Variants in DST observed in about 807,000 individuals in gnomAD.
The protein encoded by DST is dystonin.
DST carries 253 observed loss-of-function variants against 875.2 expected under a neutral mutation model. That is an observed-to-expected ratio of 0.29 (90% CI 0.26 to 0.32). The LOEUF is 0.32. DST is among the 10% of genes least tolerant of loss of function. DST has a pLI of 1.00. For synonymous variants in DST, 3,124 were observed against 3,197.1 expected, an observed-to-expected ratio of 0.98 and a Z score of 0.77; for missense variants, 8,287 against 9,111.6, an observed-to-expected ratio of 0.91 and a Z score of 3.68.
chr6:56,910,667 T>C (rs1798468417), intron 2 of DST, among the ~76,000 whole-genome samples: 1 of 151,738 alleles, frequency 6.6e-6, no homozygotes, highest in South Asian at 2.1e-4. Flanking sequence ...GTATTTTTAG[T>C]AGAGACAGGG....
In DST at chr6:56,577,254, C is replaced by T. The variant is rs565497471; in HGVS notation, c.13027+1560G>A. Among the ~76,000 whole-genome samples the T allele has an allele frequency of 1.1e-4, 16 of 152,192 alleles. No individual in the cohort carries two copies. In the South Asian group the frequency reaches 3.3e-3, roughly 32 times the overall value. ...ACAATAAGAAAAAAATGTCAAAATGCCTCTTCGAGTAACATAAATACAAAT... is the reference window on the plus strand; with the variant it reads ...ACAATAAGAAAAAAATGTCAAAATGTCTCTTCGAGTAACATAAATACAAAT... On this transcript the variant is annotated intron_variant, in intron 50 of 103. Coordinates refer to ENST00000680361, the MANE Select transcript of DST (RefSeq NM_001374736.1).
In DST at chr6:56,627,259, T is replaced by G; in HGVS notation, c.4667A>C (p.Gln1556Pro). The stretch of plus-strand genomic sequence containing the variant: ...TTTTTGACACTCGTCCATTTTGCTC[T>G]GTTTCATTTCTATTTCGGACACCAG... ...KMLVSEIEMK[Q>P]SKMDECQKYA... Residue 1556 changes from glutamine to proline, a missense_variant, in exon 34 of 104, where the codon CAG becomes CCG. Physicochemically the swap from Gln to Pro is moderately conservative, Grantham distance 76 (BLOSUM62 -1). Transcript: ENST00000680361. 6.2e-7 allele frequency: 1 copy of G among 1,612,972 alleles called. No individual in the cohort carries two copies. The highest frequency in any genetic ancestry group is 8.5e-7 in the Non-Finnish European group (1 of 1,179,380).
At chr6:56,879,895 G>T (rs777249164) in intron 3 of DST, among the ~76,000 whole-genome samples, 1 of 152,212 alleles carries the variant, frequency 6.6e-6, no homozygotes, top group Non-Finnish European at 1.5e-5. Context: ...GCCCCTCCAT[G>T]ATAGTGCTTA....
chr6:56,627,073 G>T, intron 34 of DST, 131 bp downstream of exon 34: 1 of 735,016 alleles, frequency 1.4e-6, no homozygotes. Flanking sequence ...AGAATTATTA[G>T]ATAAGTGTCA....
chr6:56,512,156 T>A (rs1325352615), intron 72 of DST, among the ~76,000 whole-genome samples: 2 of 152,232 alleles, frequency 1.3e-5, no homozygotes, highest in African/African-American at 4.8e-5. Context: ...AGCTATATAC[T>A]GAGCATTGTT....
chr6:56,607,653 T>C lies in DST; in HGVS notation c.6975A>G (p.Thr2325=), dbSNP rs1586473831. The stretch of plus-strand genomic sequence containing the variant: ...TGTTAACTTTAGGATCAATTGATAT[T>C]GTACTTGCCAGTTTTCCTGACTGAG... ...EFSQSGKLAS[T]ISIDPKVNSS... The change falls in exon 40 of 104, where the codon ACA becomes ACG. Residue 2325 remains threonine, a synonymous_variant. Coordinates refer to ENST00000680361, the MANE Select transcript of DST (RefSeq NM_001374736.1). 1.9e-6 allele frequency: 3 copies of C among 1,613,504 alleles called. No homozygotes were observed. Among genetic ancestry groups the C allele is most frequent in the Middle Eastern group, 1.6e-4 (1 of 6,062 alleles).
Position 56,851,375 on chromosome 6 carries a change from C to T in DST, c.625+22G>A, listed in dbSNP as rs1027253354. The T allele has an allele frequency of 1.9e-6, 3 of 1,606,934 alleles. No individual in the cohort carries two copies. In the African/African-American group the frequency reaches 4.0e-5, roughly 21 times the overall value. On this transcript the variant is annotated intron_variant, in intron 4 of 103. Transcript: ENST00000680361. ...CCGCAACTCTCTTCCCCCACTCCAT[C>T]CCCTTCCCCAGATGCTCTTACCTGC...
intron 37 of DST, among the ~76,000 whole-genome samples, chr6:56,612,519 C>T (rs1472391797): frequency 6.6e-6 from 1 of 152,194 alleles, no homozygotes; most frequent in Non-Finnish European, 1.5e-5. Flanking sequence ...CTCCTAATTC[C>T]TCAGTGTATC....
chr6:56,769,802 C>T lies in DST; in HGVS notation c.626-34513G>A, dbSNP rs573690826. ...ACTGCACTCCAGCCTGGGCAAGTGG[C>T]GTTGCAAGTTGAGACCCCGTTTCAC... is the stretch of plus-strand genomic sequence containing the variant. On this transcript the variant is annotated intron_variant, in intron 4 of 103. Coordinates refer to ENST00000680361, the MANE Select transcript of DST (RefSeq NM_001374736.1). Among the ~76,000 whole-genome samples, 217 of 152,156 alleles carry T rather than the reference C, an allele frequency of 1.4e-3. 1 individual carries two copies. Among genetic ancestry groups the T allele is most frequent in the Middle Eastern group, 0.014 (4 of 294 alleles).
At chr6:56,944,612 A>G (rs769596552) in intron 2 of DST, among the ~76,000 whole-genome samples, 6 of 152,232 alleles carry the variant, frequency 3.9e-5, no homozygotes, top group Non-Finnish European at 5.9e-5. Context: ...AGAAGTGTGG[A>G]CAAATGGTAG....
chr6:56,777,790 T>C (rs1178502767), intron 4 of DST, among the ~76,000 whole-genome samples: 1 of 151,938 alleles, frequency 6.6e-6, no homozygotes, highest in African/African-American at 2.4e-5. Context: ...TGCAGCCTTC[T>C]GGGCCCAAGC....
intron 73 of DST, 103 bp from the exon 74 acceptor site, chr6:56,509,976 G>T (rs2096436351): frequency 1.1e-6 from 1 of 925,774 alleles, no homozygotes; most frequent in Non-Finnish European, 1.6e-6. Context: ...TCAGAATTAA[G>T]AATAAATCTT....
At chr6:56,924,551 G>A (rs1592558033) in intron 2 of DST, among the ~76,000 whole-genome samples, 1 of 152,166 alleles carries the variant, frequency 6.6e-6, no homozygotes, top group East Asian at 1.9e-4. Context: ...AGAGCATGGT[G>A]TCTTGCCGAT....
chr6:56,474,096 T>C lies in DST; in HGVS notation c.21865-94A>G, dbSNP rs961328214. 8.3e-6 allele frequency: 9 copies of C among 1,086,280 alleles called. No individual in the cohort carries two copies. The African/African-American group carries it at 1.1e-4, about 14-fold the overall frequency. The allele number at this position is 1,086,280 out of a possible 1,614,324, so 67.3% of individuals were successfully genotyped here. ...AAAGCAGAAGGATAAAAGAACCATG[T>C]TATTATTTCTGAAGAAGAATAAATC... On this transcript the variant is annotated intron_variant, in intron 92 of 103. Coordinates refer to ENST00000680361, the MANE Select transcript of DST (RefSeq NM_001374736.1).
intron 3 of DST, among the ~76,000 whole-genome samples, chr6:56,875,109 G>C (rs542335725): frequency 6.6e-6 from 1 of 151,962 alleles, no homozygotes; most frequent in Non-Finnish European, 1.5e-5. Context: ...TCAGCCTCCC[G>C]AGTAGCTGGG....
At position 56,696,332 on chromosome 6, in the gene DST, T is replaced by C. The variant is rs181268314; in HGVS notation, c.1047+3321A>G. 2.6e-5 allele frequency among the ~76,000 whole-genome samples: 4 copies of C among 152,206 alleles called. No homozygotes were observed. In the East Asian group the frequency reaches 7.7e-4, roughly 29 times the overall value. The stretch of plus-strand genomic sequence containing the variant: ...CATGTGCCACAACGCCCGGCGAATT[T>C]TGTATTTTCAGTAGAGACCAGGTTT... On this transcript the variant is annotated intron_variant, in intron 9 of 103. Coordinates refer to ENST00000680361, the MANE Select transcript of DST (RefSeq NM_001374736.1).
chr6:56,829,147 A>G (rs1225632064), intron 4 of DST, among the ~76,000 whole-genome samples: 1 of 152,232 alleles, frequency 6.6e-6, no homozygotes, highest in Non-Finnish European at 1.5e-5. Flanking sequence ...GGAGCCTTGG[A>G]GGGGACAACA....
At chr6:56,797,006 C>T (rs1378774212) in intron 4 of DST, among the ~76,000 whole-genome samples, 1 of 152,196 alleles carries the variant, frequency 6.6e-6, no homozygotes, top group Non-Finnish European at 1.5e-5. Context: ...ATTTTACATA[C>T]TGTGGCAACC....
At chr6:56,546,015 T>TAA (rs2097214550) in intron 61 of DST, among the ~76,000 whole-genome samples, 1 of 152,148 alleles carries the variant, frequency 6.6e-6, no homozygotes, top group African/African-American at 2.4e-5. Context: ...TCCAAAGATA[T>TAA]GAATATGCAT....
Sources: gnomAD v4.1 joint callset for allele counts (sites outside exome capture counted in the v4.1 genomes callset) on GRCh38, gnomAD v4.1.1 for gene constraint, MANE v1.5 for transcripts, NCBI Gene and HGNC (gene_info 2026-07-23, HGNC 2026-07-21) for gene names.